Variants in KIAA1328 observed in about 807,000 individuals in gnomAD.
KIAA1328 encodes the protein KIAA1328.
A neutral mutation model predicts 68.1 loss-of-function variants in KIAA1328; 52 were observed. That is an observed-to-expected ratio of 0.76 (90% CI 0.61 to 0.96). The LOEUF is 0.96. Ranked by LOEUF, KIAA1328 falls within the 40% of genes least tolerant of loss-of-function variation. The pLI is 0.00. For missense variants in KIAA1328, 641 were observed against 677.6 expected, an observed-to-expected ratio of 0.95 and a Z score of 0.60; for synonymous variants, 232 against 239.4, an observed-to-expected ratio of 0.97 and a Z score of 0.28.
intron 5 of KIAA1328, chr18:36,923,738 T>A (rs1490690203): frequency 6.6e-6 from 1 of 152,250 alleles, no homozygotes; most frequent in East Asian, 1.9e-4. Context: ...AATTTAAATT[T>A]AAATTAATTA....
At chr18:37,143,531 T>C (rs1288635275) in intron 7 of KIAA1328, among the ~76,000 whole-genome samples, 1 of 147,100 alleles carries the variant, frequency 6.8e-6, no homozygotes, top group African/African-American at 2.5e-5. Flanking sequence ...CTTTTTTTTT[T>C]TTTTTTTTTT....
intron 4 of KIAA1328, among the ~76,000 whole-genome samples, chr18:36,865,926 T>G (rs1372861667): frequency 6.6e-6 from 1 of 152,188 alleles, no homozygotes; most frequent in Non-Finnish European, 1.5e-5. Context: ...GATGTCCTCT[T>G]TACCCACCTC....
Position 36,953,635 on chromosome 18 carries a change from A to ATAAT in KIAA1328, c.449-5673_449-5672insTAAT, listed in dbSNP as rs1485238832. On this transcript the variant is annotated intron_variant, in intron 5 of 9. Coordinates refer to ENST00000280020, the MANE Select transcript of KIAA1328 (RefSeq NM_020776.3). ...CTTAGTAATCTTGATCTAATACAGA[A>ATAAT]CTAAATGAAGTGGCAAGTGTCACTC... Among the ~76,000 whole-genome samples, 21 of 152,230 alleles carry ATAAT rather than the reference A, an allele frequency of 1.4e-4. No homozygotes were observed. In the East Asian group the frequency reaches 2.3e-3, roughly 17 times the overall value.
intron 6 of KIAA1328, among the ~76,000 whole-genome samples, chr18:37,065,336 G>T (rs1350668552): frequency 6.6e-6 from 1 of 152,194 alleles, no homozygotes; most frequent in African/African-American, 2.4e-5. Context: ...GGTCTGCTTA[G>T]TTTCTTTCTC....
At chr18:37,075,651 A>T (rs1195143678) in intron 7 of KIAA1328, 1 of 152,234 alleles carries the variant, frequency 6.6e-6, no homozygotes, top group Non-Finnish European at 1.5e-5. Flanking sequence ...TACCAAGCAA[A>T]TGGAGAACAA....
chr18:37,113,772 T>G (rs568016209), intron 7 of KIAA1328, among the ~76,000 whole-genome samples: 1 of 152,298 alleles, frequency 6.6e-6, no homozygotes, highest in East Asian at 1.9e-4. Context: ...CCATCTCACG[T>G]TCAGAGACAC....
At chr18:37,004,362 C>T (rs1217400146) in intron 6 of KIAA1328, among the ~76,000 whole-genome samples, 1 of 151,682 alleles carries the variant, frequency 6.6e-6, no homozygotes, top group Non-Finnish European at 1.5e-5. Context: ...ATACATCTGA[C>T]AGAGGACTAA....
chr18:36,976,982 C>T (rs2052497161), intron 6 of KIAA1328, among the ~76,000 whole-genome samples: 1 of 152,108 alleles, frequency 6.6e-6, no homozygotes, highest in Admixed American at 6.5e-5. Flanking sequence ...CTGATAAATA[C>T]CCCCTACAGT....
intron 7 of KIAA1328, among the ~76,000 whole-genome samples, chr18:37,123,550 C>T (rs966457481): frequency 6.6e-6 from 1 of 151,916 alleles, no homozygotes; most frequent in Non-Finnish European, 1.5e-5. Context: ...TAAGGATGGA[C>T]ATAAGAGAGT....
chr18:37,027,324 C>T (rs2054625317), intron 6 of KIAA1328, among the ~76,000 whole-genome samples: 1 of 152,146 alleles, frequency 6.6e-6, no homozygotes, highest in African/African-American at 2.4e-5. Flanking sequence ...ATGCCATCCC[C>T]ATCAAGCTAC....
chr18:37,106,217 CA>C (rs1332961902), intron 7 of KIAA1328, among the ~76,000 whole-genome samples: 3 of 151,916 alleles, frequency 2.0e-5, no homozygotes, highest in Non-Finnish European at 4.4e-5. Flanking sequence ...CATGTTACAA[CA>C]TGGATAAACC....
intron 9 of KIAA1328, among the ~76,000 whole-genome samples, chr18:37,177,403 C>A (rs913747274): frequency 6.6e-6 from 1 of 152,180 alleles, no homozygotes; most frequent in African/African-American, 2.4e-5. Context: ...TTCTCAGTCC[C>A]TGAAGTAAAA....
At chr18:36,877,811 C>T (rs1248648590) in intron 4 of KIAA1328, among the ~76,000 whole-genome samples, 13 of 151,498 alleles carry the variant, frequency 8.6e-5, no homozygotes, top group Non-Finnish European at 1.2e-4. Flanking sequence ...GGACTACAGG[C>T]GCCCGCCACA....
At chr18:36,909,214 T>G (rs895096793) in intron 5 of KIAA1328, among the ~76,000 whole-genome samples, 3 of 152,142 alleles carry the variant, frequency 2.0e-5, no homozygotes, top group Non-Finnish European at 4.4e-5. Context: ...ACATGTGCCA[T>G]GTTGATGTGC....
intron 7 of KIAA1328, among the ~76,000 whole-genome samples, chr18:37,117,886 A>AT (rs1440004711): frequency 0.019 from 2,754 of 141,748 alleles, 81 homozygotes; most frequent in African/African-American, 0.068. Context: ...TAAAAAAAAA[A>AT]AATATATATA....
chr18:36,960,461 C>T (rs1416469742), intron 6 of KIAA1328, among the ~76,000 whole-genome samples: 1 of 152,196 alleles, frequency 6.6e-6, no homozygotes, highest in African/African-American at 2.4e-5. Flanking sequence ...AGTGGTTCTC[C>T]CAGCATGGCG....
intron 6 of KIAA1328, among the ~76,000 whole-genome samples, chr18:37,064,536 A>C (rs367609968): frequency 1.6e-3 from 190 of 116,310 alleles, no homozygotes; most frequent in Admixed American, 3.0e-3. Context: ...GACTGAAAGT[A>C]CCCCCCCCCC....
At position 37,056,415 on chromosome 18, in the gene KIAA1328, G is replaced by GT. The variant is rs976402725; in HGVS notation, c.577-10465dup. ...TGTATCCAAACCAAGTCTCTCACAG[G>GT]TTTTTTTTTTAATCCTTGTTCTTTT... On this transcript the variant is annotated intron_variant, in intron 6 of 9. Coordinates refer to ENST00000280020, the MANE Select transcript of KIAA1328 (RefSeq NM_020776.3). Among the ~76,000 whole-genome samples, 301 of 147,618 alleles carry GT rather than the reference G, an allele frequency of 2.0e-3. 1 individual carries two copies. The highest frequency in any genetic ancestry group is 3.4e-3 in the Middle Eastern group (1 of 292).
chr18:37,081,004 G>A (rs140202305), intron 7 of KIAA1328, among the ~76,000 whole-genome samples: 5 of 151,548 alleles, frequency 3.3e-5, no homozygotes, highest in Admixed American at 6.6e-5. Flanking sequence ...ATTGATTGAC[G>A]GAGTTTGGCT....
Sources: gnomAD v4.1 joint callset for allele counts (sites outside exome capture counted in the v4.1 genomes callset) on GRCh38, gnomAD v4.1.1 for gene constraint, MANE v1.5 for transcripts, NCBI Gene and HGNC (gene_info 2026-07-23, HGNC 2026-07-21) for gene names.